The following TTLL5 variants were observed in gnomAD, a reference collection of about 807,000 sequenced individuals.
TTLL5 encodes tubulin tyrosine ligase like 5.
Under a neutral mutation model 168.4 loss-of-function variants are expected in TTLL5, and 132 were observed. That is an observed-to-expected ratio of 0.78 (90% confidence interval 0.68 to 0.91). The LOEUF is 0.91. Among genes scored for constraint, TTLL5 ranks in the 40% least tolerant of loss-of-function variants. TTLL5 has a pLI of 0.00. For synonymous variants in TTLL5, 546 were observed against 558.6 expected, an observed-to-expected ratio of 0.98 and a Z score of 0.32; for missense variants, 1,545 against 1,581.5, an observed-to-expected ratio of 0.98 and a Z score of 0.39.
intron 12 of TTLL5, among the ~76,000 whole-genome samples, chr14:75,730,806 A>G (rs1364468368): frequency 6.6e-6 from 1 of 151,012 alleles, no homozygotes; most frequent in Non-Finnish European, 1.5e-5. Context: ...TTCAACCTCC[A>G]CCTTCCAGTT....
intron 13 of TTLL5, among the ~76,000 whole-genome samples, chr14:75,733,419 T>A (rs986001950): frequency 6.1e-4 from 92 of 151,932 alleles, no homozygotes; most frequent in African/African-American, 2.2e-3. Flanking sequence ...TCATGTGGGT[T>A]CCCGCCCATC....
rs1321079838 is a variant in TTLL5 at position 75,939,821 on chromosome 14, T to A, written c.3824-14603T>A. ...TGCTACAGGAGGAATGAGGCTGAATTTTTATCAGACTAGAAGCTATTCTAG... is the reference window on the plus strand; with the variant it reads ...TGCTACAGGAGGAATGAGGCTGAATATTTATCAGACTAGAAGCTATTCTAG... On this transcript the variant is annotated intron_variant, in intron 31 of 31. Coordinates refer to ENST00000298832, the MANE Select transcript of TTLL5 (RefSeq NM_015072.5). Among the ~76,000 whole-genome samples the A allele has an allele frequency of 2.0e-5, 3 of 152,176 alleles. No homozygotes were observed. In the South Asian group the frequency reaches 6.2e-4, roughly 31 times the overall value.
chr14:75,786,868 T>C (rs895366750), intron 26 of TTLL5, among the ~76,000 whole-genome samples: 9 of 152,116 alleles, frequency 5.9e-5, no homozygotes, highest in Non-Finnish European at 1.0e-4. Flanking sequence ...CACAGCGTCT[T>C]ATGCCTATAA....
chr14:75,796,500 A>G (rs1893004444), intron 27 of TTLL5, among the ~76,000 whole-genome samples: 2 of 152,084 alleles, frequency 1.3e-5, no homozygotes, highest in Admixed American at 1.3e-4. Flanking sequence ...TCTTTGCCTA[A>G]GCCAGTGTCT....
Position 75,855,603 on chromosome 14 carries a change from T to C in TTLL5, c.3327-8064T>C, listed in dbSNP as rs1372600828. ...CTGCTGTAGAGGGAGAGGGGAACTC[T>C]GGAAATGAGACATCTCCAGAAGAGG... On this transcript the variant is annotated intron_variant, in intron 28 of 31. Coordinates refer to ENST00000298832, the MANE Select transcript of TTLL5 (RefSeq NM_015072.5). Among the ~76,000 whole-genome samples, 3 of 152,324 alleles carry C rather than the reference T, an allele frequency of 2.0e-5. No homozygotes were observed. The South Asian group carries it at 6.2e-4, about 32-fold the overall frequency.
chr14:75,743,575 CTTTTTTTTT>C (rs33959405), intron 15 of TTLL5, among the ~76,000 whole-genome samples: 6 of 63,098 alleles, frequency 9.5e-5, no homozygotes, highest in Admixed American at 7.5e-4. Context: ...TGGCATCGCT[CTTTTTTTTT>C]TTTTTTTTTT....
intron 31 of TTLL5, among the ~76,000 whole-genome samples, chr14:75,944,510 T>A (rs1293338383): frequency 6.6e-6 from 1 of 152,196 alleles, no homozygotes; most frequent in African/African-American, 2.4e-5. Flanking sequence ...AACAGCCAAC[T>A]ACCACCTGTC....
chr14:75,681,493 T>C lies in TTLL5; in HGVS notation c.182-52T>C, dbSNP rs114450239. ...AAGCCACCATGTTACAGTTTATTTT[T>C]GTTTTTACAGTTAACTTTCTAGTTA... On this transcript the variant is annotated intron_variant, in intron 3 of 31. Transcript: ENST00000298832. 2.8e-4 allele frequency: 401 copies of C among 1,443,486 alleles called. 1 individual carries two copies. The African/African-American group carries it at 5.2e-3, about 19-fold the overall frequency. The allele number at this position is 1,443,486 out of a possible 1,614,324, so 89.4% of individuals were successfully genotyped here.
chr14:75,878,765 CATCAGTATCTAAGGTCCTACCATAA>C (rs1257929833), intron 29 of TTLL5, among the ~76,000 whole-genome samples: 1 of 152,112 alleles, frequency 6.6e-6, no homozygotes, highest in Non-Finnish European at 1.5e-5. Flanking sequence ...TTATATAAAA[CATCAGTATCTAAGGTCCTACCATAA>C]ATTTTGCATT....
At chr14:75,745,263 T>G (rs1188928959) in intron 16 of TTLL5, 55 bp downstream of exon 16, 1 of 1,513,290 alleles carries the variant, frequency 6.6e-7, no homozygotes, top group African/African-American at 1.4e-5. Flanking sequence ...TTAGTGAAAA[T>G]TAGTGAGTGA....
intron 30 of TTLL5, among the ~76,000 whole-genome samples, chr14:75,901,765 A>T (rs866051972): frequency 6.6e-6 from 1 of 152,228 alleles, no homozygotes; most frequent in Non-Finnish European, 1.5e-5. Flanking sequence ...ATGTGTTTTC[A>T]TATGATTTAG....
intron 27 of TTLL5, among the ~76,000 whole-genome samples, chr14:75,819,302 A>G (rs1322649656): frequency 5.3e-5 from 8 of 152,220 alleles, no homozygotes; most frequent in African/African-American, 1.9e-4. Context: ...GGAAGATTCT[A>G]CCAATTTATA....
chr14:75,913,216 G>T (rs549131858), intron 31 of TTLL5, among the ~76,000 whole-genome samples: 2 of 152,268 alleles, frequency 1.3e-5, no homozygotes, highest in Non-Finnish European at 2.9e-5. Flanking sequence ...CATGTTGATT[G>T]TCTGCTCCCT....
At chr14:75,823,671 G>T (rs527554215) in intron 28 of TTLL5, among the ~76,000 whole-genome samples, 1 of 152,000 alleles carries the variant, frequency 6.6e-6, no homozygotes, top group Non-Finnish European at 1.5e-5. Context: ...TCTGTTCCTC[G>T]ATATGAAAGA....
chr14:75,719,526 C>T (rs1327368587), intron 10 of TTLL5, among the ~76,000 whole-genome samples: 3 of 151,934 alleles, frequency 2.0e-5, no homozygotes, highest in Non-Finnish European at 2.9e-5. Context: ...TTGAAAAAGG[C>T]AAACTGTATG....
chr14:75,763,251 C>CTGTGTGTGTGTGTGTG (rs1308717196), intron 18 of TTLL5, among the ~76,000 whole-genome samples: 3 of 33,868 alleles, frequency 8.9e-5, no homozygotes, highest in African/African-American at 1.8e-4. Context: ...CTATAGCTCT[C>CTGTGTGTGTGTGTGTG]TCTCTGTGTG....
At chr14:75,854,405 A>C (rs1897030465) in intron 28 of TTLL5, among the ~76,000 whole-genome samples, 1 of 152,164 alleles carries the variant, frequency 6.6e-6, no homozygotes, top group Non-Finnish European at 1.5e-5. Context: ...AATACACCAC[A>C]ATTTATTTCT....
At chr14:75,809,056 T>C (rs1893824787) in intron 27 of TTLL5, among the ~76,000 whole-genome samples, 1 of 152,100 alleles carries the variant, frequency 6.6e-6, no homozygotes, top group African/African-American at 2.4e-5. Context: ...TTGAGGATAA[T>C]ATGAATGCAC....
rs959046966 is a variant in TTLL5, at chr14:75,824,873, T to C, written c.3326+4712T>C. 3.9e-5 allele frequency among the ~76,000 whole-genome samples: 6 copies of C among 152,208 alleles called. 1 individual carries two copies. Among genetic ancestry groups the C allele is most frequent in the African/African-American group, 1.4e-4 (6 of 41,452 alleles). ...AAGGGAATTATTCTGAACATAGTCC[T>C]TTAAATACTTCTCTTTCTTGAAAAG... is the stretch of plus-strand genomic sequence containing the variant. On this transcript the variant is annotated intron_variant, in intron 28 of 31. Transcript: ENST00000298832.
Sources: allele counts gnomAD v4.1 joint callset (sites outside exome capture counted in the v4.1 genomes callset), GRCh38; gene constraint gnomAD v4.1.1; transcripts MANE v1.5; gene names NCBI Gene and HGNC (gene_info 2026-07-23, HGNC 2026-07-21).